ACADM: variants seen among roughly 807,000 people sequenced by gnomAD.
The protein encoded by ACADM is medium-chain specific acyl-CoA dehydrogenase, mitochondrial.
ACADM carries 49 observed loss-of-function variants against 58.9 expected under a neutral mutation model. That is an observed-to-expected ratio of 0.83 (90% CI 0.66 to 1.06). The LOEUF is 1.06. Ranked by LOEUF, ACADM falls within the 50% of genes least tolerant of loss-of-function variation. ACADM has a pLI of 0.00. For missense variants in ACADM, 496 were observed against 507.0 expected, an observed-to-expected ratio of 0.98 and a Z score of 0.21; for synonymous variants, 160 against 157.7, an observed-to-expected ratio of 1.01 and a Z score of -0.11.
chr1:75,731,652 T>TA (rs1334635340), intron 2 of ACADM, among the ~76,000 whole-genome samples: 1 of 152,228 alleles, frequency 6.6e-6, no homozygotes, highest in African/African-American at 2.4e-5. Flanking sequence ...AGCAGGATTT[T>TA]ATGTTATTAT....
intron 3 of ACADM, 48 bp downstream of exon 3, chr1:75,732,789 A>C: frequency 6.2e-7 from 1 of 1,604,756 alleles, no homozygotes; most frequent in Non-Finnish European, 8.5e-7. Context: ...CATTTTTTAC[A>C]AGATTATGTA....
At position 75,761,216 on chromosome 1, in the gene ACADM, G is replaced by T. The variant is rs1648832398; in HGVS notation, c.1040G>T (p.Gly347Val). ...AGAGCAGCTTGGGAGGTTGATTCTG[G>T]TCGTCGAAATACCTATTATGCTTCT... ...YQRAAWEVDS[G>V]RRNTYYASIA... Residue 347 changes from glycine (G) to valine (V), a missense_variant, in exon 11 of 12, where the codon GGT becomes GTT. Physicochemically the swap from Gly to Val is moderately radical, Grantham distance 109 (BLOSUM62 -3). Transcript: ENST00000370841. 1.2e-6 allele frequency: 2 copies of T among 1,614,178 alleles called. No individual in the cohort carries two copies. Among genetic ancestry groups the T allele is most frequent in the East Asian group, 4.5e-5 (2 of 44,876 alleles).
At chr1:75,757,069 A>G (rs1280792130) in intron 10 of ACADM, among the ~76,000 whole-genome samples, 1 of 152,248 alleles carries the variant, frequency 6.6e-6, no homozygotes, top group East Asian at 1.9e-4. Flanking sequence ...AAGATGGATT[A>G]AAGACTTAAA....
chr1:75,761,199 T>A lies in ACADM; in HGVS notation c.1023T>A (p.Ala341=). ...CTAGAATGAGTTACCAGAGAGCAGC[T>A]TGGGAGGTTGATTCTGGTCGTCGAA... is the stretch of plus-strand genomic sequence containing the variant. ...ELARMSYQRA[A]WEVDSGRRNT... is the part of the protein sequence containing the mutation. Residue 341 remains alanine, a synonymous_variant, in exon 11 of 12, where the codon GCT becomes GCA. Transcript: ENST00000370841. The A allele has an allele frequency of 6.2e-7, 1 of 1,614,174 alleles. No homozygotes were observed. Among genetic ancestry groups the A allele is most frequent in the Non-Finnish European group, 8.5e-7 (1 of 1,180,004 alleles).
intron 10 of ACADM, among the ~76,000 whole-genome samples, chr1:75,759,091 C>A (rs1489647627): frequency 6.6e-6 from 1 of 152,098 alleles, no homozygotes; most frequent in Non-Finnish European, 1.5e-5. Flanking sequence ...CTGGACACAT[C>A]TGAAGGAACA....
At chr1:75,737,303 TATATATATATATATATATATATATGA>T (rs1240218406) in intron 6 of ACADM, among the ~76,000 whole-genome samples, 1 of 101,168 alleles carries the variant, frequency 9.9e-6, no homozygotes, top group Non-Finnish European at 2.2e-5. Context: ...TATATATATA[TATATATATATATATATATATATATGA>T]AACCAAAAAG....
intron 1 of ACADM, among the ~76,000 whole-genome samples, chr1:75,726,289 A>G (rs757298787): frequency 2.6e-5 from 4 of 151,072 alleles, no homozygotes; most frequent in Non-Finnish European, 5.9e-5. Context: ...TATGCCTGTA[A>G]TCCCAGGAGG....
intron 7 of ACADM, among the ~76,000 whole-genome samples, chr1:75,740,442 A>G (rs1557450893): frequency 6.6e-6 from 1 of 152,162 alleles, no homozygotes; most frequent in Non-Finnish European, 1.5e-5. Context: ...GGAATCCCTA[A>G]AACCCTAAGG....
chr1:75,735,852 A>AG (rs1164811379), intron 6 of ACADM, among the ~76,000 whole-genome samples: 2 of 151,390 alleles, frequency 1.3e-5, no homozygotes, highest in African/African-American at 4.9e-5. Context: ...AAAAAAAAAA[A>AG]AAAGCAATTA....
intron 4 of ACADM, chr1:75,733,289 C>A: frequency 1.6e-6 from 2 of 1,273,150 alleles, no homozygotes; most frequent in South Asian, 1.5e-5. Flanking sequence ...TTAACAAAAT[C>A]AAGTTAGAAC....
intron 2 of ACADM, among the ~76,000 whole-genome samples, chr1:75,730,502 T>C (rs980021129): frequency 2.0e-5 from 3 of 151,954 alleles, no homozygotes; most frequent in African/African-American, 2.4e-5. Flanking sequence ...ATCAAAGTAG[T>C]TTCTCAATAA....
Position 75,743,551 on chromosome 1 carries a change from A to C in ACADM, c.600-2255A>C, listed in dbSNP as rs947054582. ...CACGTACATCATGGGCTGCACCTCTACCTTGCCTCCTATAGCCACTGGCTT... is the reference window on the plus strand; with the variant it reads ...CACGTACATCATGGGCTGCACCTCTCCCTTGCCTCCTATAGCCACTGGCTT... On this transcript the variant is annotated intron_variant, in intron 7 of 11. Transcript: ENST00000370841. The C allele has an allele frequency of 3.5e-5, 56 of 1,601,672 alleles. No individual in the cohort carries two copies. In the African/African-American group the frequency reaches 5.5e-4, roughly 16 times the overall value.
At chr1:75,739,939 C>G (rs1360766370) in intron 6 of ACADM, 41 bp from the exon 7 acceptor site, 10 of 1,475,874 alleles carry the variant, frequency 6.8e-6, no homozygotes, top group Admixed American at 4.0e-5. Context: ...AATTTAATCA[C>G]TAACATTTAA....
At chr1:75,745,644 T>C (rs1557454848) in intron 7 of ACADM, 162 bp from the exon 8 acceptor site, 1 of 666,500 alleles carries the variant, frequency 1.5e-6, no homozygotes, top group Non-Finnish European at 2.7e-6. Context: ...TTCCATATAC[T>C]AGGTACGTGA....
intron 6 of ACADM, among the ~76,000 whole-genome samples, chr1:75,737,298 AT>A (rs1307363980): frequency 1.1e-5 from 1 of 88,010 alleles, no homozygotes; most frequent in Non-Finnish European, 2.4e-5. Flanking sequence ...ATATATATAT[AT>A]ATATATATAT....
intron 2 of ACADM, among the ~76,000 whole-genome samples, chr1:75,730,903 A>G (rs1647137115): frequency 6.6e-6 from 1 of 152,108 alleles, no homozygotes; most frequent in Non-Finnish European, 1.5e-5. Context: ...GATAGAGAGA[A>G]CACTGGACTG....
chr1:75,754,299 C>T lies in ACADM; in HGVS notation c.945+3753C>T, dbSNP rs192668784. On this transcript the variant is annotated intron_variant, in intron 10 of 11. Transcript: ENST00000370841. ...CTCTGCTCCCTGCAACCTCTGCCCCCGGGGTTCAAGTGATTCTCCTGCCTC... is the reference window on the plus strand; with the variant it reads ...CTCTGCTCCCTGCAACCTCTGCCCCTGGGGTTCAAGTGATTCTCCTGCCTC... 7.0e-3 allele frequency among the ~76,000 whole-genome samples: 1,066 copies of T among 151,752 alleles called. 16 individuals are homozygous for T. The highest frequency in any genetic ancestry group is 0.035 in the Admixed American group (527 of 15,212).
chr1:75,760,423 GAA>G (rs1323288013), intron 10 of ACADM, among the ~76,000 whole-genome samples: 3 of 137,852 alleles, frequency 2.2e-5, no homozygotes, highest in Admixed American at 7.3e-5. Context: ...CTTTGTCTCA[GAA>G]AAAAAAAAAG....
chr1:75,745,658 G>C, intron 7 of ACADM, 148 bp from the exon 8 acceptor site: 1 of 711,612 alleles, frequency 1.4e-6, no homozygotes, highest in Admixed American at 2.0e-5. Flanking sequence ...TACGTGACTA[G>C]GCAAGTTTTT....
Sources: gnomAD v4.1 joint callset for allele counts (sites outside exome capture counted in the v4.1 genomes callset) on GRCh38, gnomAD v4.1.1 for gene constraint, MANE v1.5 for transcripts, NCBI Gene and HGNC (gene_info 2026-07-23, HGNC 2026-07-21) for gene names.